Variants in PARD3 observed in about 807,000 individuals in gnomAD.
PARD3 encodes par-3 family cell polarity regulator.
Under a neutral mutation model 155.4 loss-of-function variants are expected in PARD3, and 75 were observed. The observed-to-expected ratio is 0.48, with a 90% CI of 0.40 to 0.58. The LOEUF (loss-of-function observed/expected upper bound fraction) is 0.58, where lower values mean the gene tolerates loss of function less well. Among genes scored for constraint, PARD3 ranks in the 20% least tolerant of loss-of-function variants. PARD3 has a pLI of 0.00. For synonymous variants in PARD3, 576 were observed against 610.5 expected (o/e 0.94, Z 0.83); for missense variants, 1,642 against 1,721.7 (o/e 0.95, Z 0.82).
intron 4 of PARD3, among the ~76,000 whole-genome samples, chr10:34,464,427 T>C (rs1159076282): frequency 6.6e-6 from 1 of 152,182 alleles, no homozygotes; most frequent in Non-Finnish European, 1.5e-5. Flanking sequence ...CTTCATACTT[T>C]ATTAGCCTAG....
At chr10:34,340,172 A>G (rs990821356) in intron 16 of PARD3, among the ~76,000 whole-genome samples, 1 of 152,212 alleles carries the variant, frequency 6.6e-6, no homozygotes, top group African/African-American at 2.4e-5. Context: ...TAGGGAAATT[A>G]ATGCCACAAT....
chr10:34,551,587 T>C (rs2084568040), intron 2 of PARD3, among the ~76,000 whole-genome samples: 1 of 152,146 alleles, frequency 6.6e-6, no homozygotes, highest in African/African-American at 2.4e-5. Context: ...GCACCCCGAC[T>C]CCTGCCTGGG....
intron 4 of PARD3, among the ~76,000 whole-genome samples, chr10:34,467,888 A>T (rs754809462): frequency 1.3e-5 from 2 of 152,194 alleles, no homozygotes; most frequent in Non-Finnish European, 2.9e-5. Flanking sequence ...TCTACTTCCC[A>T]GGCTCTTCTG....
intron 22 of PARD3, among the ~76,000 whole-genome samples, chr10:34,189,605 A>G (rs1320147868): frequency 6.6e-6 from 1 of 152,222 alleles, no homozygotes; most frequent in African/African-American, 2.4e-5. Context: ...CTGAGTAAGT[A>G]TCTTTTAAAT....
At chr10:34,688,600 A>G (rs1461036282) in intron 2 of PARD3, among the ~76,000 whole-genome samples, 4 of 152,218 alleles carry the variant, frequency 2.6e-5, no homozygotes, top group Non-Finnish European at 5.9e-5. Flanking sequence ...TTTACACTCA[A>G]AGAGATCTAG....
In PARD3 at chr10:34,753,983, C is replaced by T. The variant is rs144884973; in HGVS notation, c.121-57564G>A. 2.5e-3 allele frequency among the ~76,000 whole-genome samples: 378 copies of T among 151,886 alleles called. 1 individual carries two copies. Among genetic ancestry groups the T allele is most frequent in the Non-Finnish European group, 4.3e-3 (289 of 67,962 alleles). On this transcript the variant is annotated intron_variant, in intron 1 of 24. Coordinates refer to ENST00000374788, the MANE Select transcript of PARD3 (RefSeq NM_001184785.2). The stretch of plus-strand genomic sequence containing the variant: ...ACGTAGAAAAAACAAAAATAGTCAT[C>T]GTAGATCAGACAACATATGGAATTC...
intron 6 of PARD3, among the ~76,000 whole-genome samples, chr10:34,399,729 A>G (rs924996825): frequency 2.0e-5 from 3 of 152,152 alleles, no homozygotes; most frequent in Admixed American, 1.3e-4. Context: ...TGTGTAATAC[A>G]AGTTTATGTC....
At chr10:34,535,165 G>A (rs999510440) in intron 2 of PARD3, among the ~76,000 whole-genome samples, 4 of 152,238 alleles carry the variant, frequency 2.6e-5, no homozygotes, top group East Asian at 1.9e-4. Flanking sequence ...ATATTCCTAC[G>A]TTTTAATCCC....
intron 22 of PARD3, among the ~76,000 whole-genome samples, chr10:34,233,038 T>TTTTTTTTTTTTC (rs1953019464): frequency 7.0e-6 from 1 of 142,222 alleles, no homozygotes. Context: ...TTTTTTTTTT[T>TTTTTTTTTTTTC]TGCCTAGCTC....
chr10:34,178,763 G>A (rs1950141763), intron 22 of PARD3, among the ~76,000 whole-genome samples: 1 of 152,096 alleles, frequency 6.6e-6, no homozygotes, highest in Non-Finnish European at 1.5e-5. Context: ...TGGTGATAAT[G>A]GATACAATAA....
chr10:34,324,466 G>A (rs770841308), intron 19 of PARD3, among the ~76,000 whole-genome samples: 10 of 152,140 alleles, frequency 6.6e-5, no homozygotes, highest in Non-Finnish European at 1.3e-4. Context: ...GAAGAAAGAA[G>A]ATACACCTCA....
chr10:34,660,947 A>G (rs2093309700), intron 2 of PARD3, among the ~76,000 whole-genome samples: 1 of 152,136 alleles, frequency 6.6e-6, no homozygotes, highest in Non-Finnish European at 1.5e-5. Context: ...CAATACTACC[A>G]CTGAGAAGCT....
At chr10:34,157,661 C>T (rs1303715489) in intron 22 of PARD3, among the ~76,000 whole-genome samples, 2 of 152,142 alleles carry the variant, frequency 1.3e-5, no homozygotes, top group Admixed American at 6.5e-5. Context: ...ATTCTTCTAC[C>T]AAACTTGTGA....
chr10:34,589,907 A>G (rs2088508200), intron 2 of PARD3, among the ~76,000 whole-genome samples: 1 of 152,208 alleles, frequency 6.6e-6, no homozygotes, highest in African/African-American at 2.4e-5. Context: ...TGCTACGCAC[A>G]CTAGAACTTG....
chr10:34,233,829 T>A (rs1409199667), intron 22 of PARD3, among the ~76,000 whole-genome samples: 2 of 152,104 alleles, frequency 1.3e-5, no homozygotes, highest in Non-Finnish European at 2.9e-5. Context: ...CTTCCCTGCC[T>A]CAAGGCTGCC....
intron 1 of PARD3, among the ~76,000 whole-genome samples, chr10:34,711,087 G>A (rs2094443304): frequency 1.3e-5 from 2 of 152,114 alleles, no homozygotes; most frequent in South Asian, 2.1e-4. Context: ...GAGGCAGGAG[G>A]ATCACTTGAG....
At chr10:34,174,859 C>T (rs1284740213) in intron 22 of PARD3, among the ~76,000 whole-genome samples, 1 of 152,126 alleles carries the variant, frequency 6.6e-6, no homozygotes, top group Non-Finnish European at 1.5e-5. Flanking sequence ...AAAATAATGA[C>T]ACTGATAATG....
intron 2 of PARD3, among the ~76,000 whole-genome samples, chr10:34,544,811 T>A (rs1589954121): frequency 1.3e-5 from 2 of 152,220 alleles, no homozygotes; most frequent in Admixed American, 1.3e-4. Flanking sequence ...GTTTAATTCT[T>A]ACAGTAATGT....
intron 22 of PARD3, among the ~76,000 whole-genome samples, chr10:34,246,646 A>G (rs773982881): frequency 4.0e-5 from 6 of 149,426 alleles, no homozygotes; most frequent in Non-Finnish European, 7.4e-5. Context: ...GGAAAATCCT[A>G]TAAGCCCAGA....
Sources: gnomAD v4.1 joint callset for allele counts (sites outside exome capture counted in the v4.1 genomes callset) on GRCh38, gnomAD v4.1.1 for gene constraint, MANE v1.5 for transcripts, NCBI Gene and HGNC (gene_info 2026-07-23, HGNC 2026-07-21) for gene names.